Variants in SCARB1 observed in about 807,000 individuals in gnomAD.
SCARB1 encodes scavenger receptor class B member 1.
SCARB1 carries 30 observed loss-of-function variants against 57.2 expected under a neutral mutation model. That is an observed-to-expected ratio of 0.52 (90% CI 0.39 to 0.71). The LOEUF is 0.71. Among genes scored for constraint, SCARB1 ranks in the 30% least tolerant of loss-of-function variants. The pLI, the probability that SCARB1 is intolerant of heterozygous loss-of-function variation, is 0.00. For missense variants in SCARB1, 543 were observed against 671.2 expected (o/e 0.81, Z 2.11); for synonymous variants, 249 against 268.3 (o/e 0.93, Z 0.70).
intron 8 of SCARB1, among the ~76,000 whole-genome samples, chr12:124,795,749 T>A (rs896165545): frequency 1.3e-5 from 2 of 152,136 alleles, no homozygotes; most frequent in African/African-American, 4.8e-5. Context: ...CAGCCAGGTG[T>A]TTGCATGGTC....
chr12:124,851,570 T>A (rs1253630334), intron 1 of SCARB1, among the ~76,000 whole-genome samples: 1 of 151,260 alleles, frequency 6.6e-6, no homozygotes, highest in Non-Finnish European at 1.5e-5. Flanking sequence ...CCTCGCACAG[T>A]CCTGCTAATG....
In SCARB1 at chr12:124,812,243, C is replaced by T. The variant is rs1566181826; in HGVS notation, c.631-278G>A. Among the ~76,000 whole-genome samples, 1 of 152,190 alleles carries T rather than the reference C, an allele frequency of 6.6e-6. No individual in the cohort carries two copies. ...TCCCAGGTAAATGGCAGATCACCCCCACCACACCCTACTCCAGCATAAAAT... is the reference window on the plus strand; with the variant it reads ...TCCCAGGTAAATGGCAGATCACCCCTACCACACCCTACTCCAGCATAAAAT... On this transcript the variant is annotated intron_variant, in intron 4 of 12. Transcript: ENST00000261693. The surrounding 1 kb of genome is among the most constrained non-coding windows in gnomAD (Gnocchi z 4.3).
At chr12:124,818,555 T>C (rs1950827258) in intron 1 of SCARB1, among the ~76,000 whole-genome samples, 1 of 152,192 alleles carries the variant, frequency 6.6e-6, no homozygotes, top group South Asian at 2.1e-4. Flanking sequence ...CAACCTCTGC[T>C]TCTGTGTTCA....
At position 124,807,954 on chromosome 12, in the gene SCARB1, G is replaced by A; in HGVS notation, c.843-27C>T. 6.2e-7 allele frequency: 1 copy of A among 1,612,592 alleles called. No homozygotes were observed. Among genetic ancestry groups the A allele is most frequent in the East Asian group, 2.2e-5 (1 of 44,864 alleles). On this transcript the variant is annotated intron_variant, in intron 6 of 12. Transcript: ENST00000261693. The surrounding 1 kb of genome is among the most constrained non-coding windows in gnomAD (Gnocchi z 5.3). ...TGCAGGGGACAGACAGGATGAGAGG[G>A]GACACCCAGACCCGGCGGCCAGAGC... is the stretch of plus-strand genomic sequence containing the variant.
intron 9 of SCARB1, among the ~76,000 whole-genome samples, 163 bp downstream of exon 9, chr12:124,795,032 C>G (rs1328041775): frequency 6.6e-6 from 1 of 152,170 alleles, no homozygotes; most frequent in Non-Finnish European, 1.5e-5. Flanking sequence ...CAAGACCCCT[C>G]AGGGAGAAGA....
At chr12:124,826,994 T>C (rs916165073) in intron 1 of SCARB1, among the ~76,000 whole-genome samples, 1 of 152,140 alleles carries the variant, frequency 6.6e-6, no homozygotes, top group African/African-American at 2.4e-5. Context: ...TAACTGTCAT[T>C]GTGAACATGT....
At chr12:124,816,157 C>T (rs570583704) in intron 2 of SCARB1, among the ~76,000 whole-genome samples, 3 of 152,310 alleles carry the variant, frequency 2.0e-5, no homozygotes, top group African/African-American at 7.2e-5. Context: ...AGACCGAGCC[C>T]CAAGGCCACC....
chr12:124,859,802 T>G (rs1271139444), intron 1 of SCARB1, among the ~76,000 whole-genome samples: 1 of 152,150 alleles, frequency 6.6e-6, no homozygotes, highest in Non-Finnish European at 1.5e-5. Context: ...AGACCTTGTC[T>G]CTACGAAAAT....
At chr12:124,801,760 G>A (rs1284839174) in intron 7 of SCARB1, among the ~76,000 whole-genome samples, 1 of 152,112 alleles carries the variant, frequency 6.6e-6, no homozygotes, top group Non-Finnish European at 1.5e-5. Context: ...CTGCACTCCA[G>A]CCTGGACAAT....
chr12:124,826,159 C>T (rs1035773522), intron 1 of SCARB1, among the ~76,000 whole-genome samples: 3 of 151,650 alleles, frequency 2.0e-5, no homozygotes, highest in African/African-American at 7.3e-5. Flanking sequence ...ATAGGGAGCC[C>T]ATCTCTATAA....
chr12:124,835,176 C>G (rs1402852565), intron 1 of SCARB1, among the ~76,000 whole-genome samples: 1 of 152,150 alleles, frequency 6.6e-6, no homozygotes, highest in Non-Finnish European at 1.5e-5. Context: ...TGTATGGAGG[C>G]ACGTGCAGAA....
At chr12:124,790,133 G>T (rs565057447) in intron 9 of SCARB1, among the ~76,000 whole-genome samples, 1 of 152,150 alleles carries the variant, frequency 6.6e-6, no homozygotes, top group Non-Finnish European at 1.5e-5. Flanking sequence ...CCAGCACTTT[G>T]GGAGGCTGAG....
intron 1 of SCARB1, among the ~76,000 whole-genome samples, chr12:124,823,691 A>G (rs1404613191): frequency 3.3e-5 from 5 of 152,238 alleles, no homozygotes; most frequent in Non-Finnish European, 5.9e-5. Flanking sequence ...TGTGCACAGC[A>G]GCACTGTTCG....
chr12:124,818,015 C>T (rs1337086802), intron 1 of SCARB1, among the ~76,000 whole-genome samples: 1 of 152,218 alleles, frequency 6.6e-6, no homozygotes, highest in African/African-American at 2.4e-5. Context: ...AGCGCCGGAG[C>T]TCAGGGTAGC....
rs12303278 is a variant in SCARB1 at position 124,822,884 on chromosome 12, T to G, written c.127-5177A>C. ...GTCTGGGCCACAAAGCAAGACCCTGTCTGAAAAAAACAACAGCAACACCAC... is the reference window on the plus strand; with the variant it reads ...GTCTGGGCCACAAAGCAAGACCCTGGCTGAAAAAAACAACAGCAACACCAC... On this transcript the variant is annotated intron_variant, in intron 1 of 12. Coordinates refer to ENST00000261693, the MANE Select transcript of SCARB1 (RefSeq NM_005505.5). This position sits in a 1 kb window ranked among gnomAD's most constrained non-coding sequence, Gnocchi z 5.0. Among the ~76,000 whole-genome samples, 8,050 of 152,004 alleles carry G rather than the reference T, an allele frequency of 0.053. 745 individuals are homozygous for G. Among genetic ancestry groups the G allele is most frequent in the African/African-American group, 0.18 (7,610 of 41,412 alleles).
intron 1 of SCARB1, among the ~76,000 whole-genome samples, chr12:124,830,011 T>G (rs941574526): frequency 3.3e-5 from 5 of 152,128 alleles, no homozygotes; most frequent in Non-Finnish European, 7.4e-5. Flanking sequence ...TGAGGCACCC[T>G]TAAGAATGAA....
intron 8 of SCARB1, among the ~76,000 whole-genome samples, chr12:124,797,850 T>G (rs1949998176): frequency 6.6e-6 from 1 of 152,200 alleles, no homozygotes; most frequent in Non-Finnish European, 1.5e-5. Flanking sequence ...GCATCCGCCA[T>G]GGAGCTTCGG....
chr12:124,782,914 C>A, intron 11 of SCARB1, 103 bp from the exon 12 acceptor site: 1 of 1,260,562 alleles, frequency 7.9e-7, no homozygotes, highest in Non-Finnish European at 1.1e-6. Context: ...ACAGGAAAGG[C>A]ACATAAGTTT....
chr12:124,838,125 A>T (rs1951765713), intron 1 of SCARB1, among the ~76,000 whole-genome samples: 1 of 152,234 alleles, frequency 6.6e-6, no homozygotes, highest in African/African-American at 2.4e-5. Flanking sequence ...AGAGCTGAGC[A>T]TATTGACTAT....
Sources: allele counts gnomAD v4.1 joint callset (sites outside exome capture counted in the v4.1 genomes callset), GRCh38; gene constraint gnomAD v4.1.1; non-coding constraint Gnocchi (gnomAD v3.1); transcripts MANE v1.5; gene names NCBI Gene and HGNC (gene_info 2026-07-23, HGNC 2026-07-21).